Variants in AMPH observed in about 807,000 individuals in gnomAD.
The protein encoded by AMPH is amphiphysin (Stiff-Mann syndrome with breast cancer 128kD autoantigen).
Under a neutral mutation model 99.1 loss-of-function variants are expected in AMPH, and 49 were observed. The observed-to-expected ratio is 0.49, with a 90% CI of 0.39 to 0.63. The LOEUF (loss-of-function observed/expected upper bound fraction) is 0.63. Among genes scored for constraint, AMPH ranks in the 20% least tolerant of loss-of-function variants. The pLI is 0.00. For missense variants in AMPH, 759 were observed against 863.4 expected, an observed-to-expected ratio of 0.88 and a Z score of 1.52; for synonymous variants, 314 against 317.3, an observed-to-expected ratio of 0.99 and a Z score of 0.11.
rs1788703924 is a variant in AMPH, at chr7:38,491,087, G to A, written c.359C>T (p.Thr120Ile). The change falls in exon 5 of 21, where the codon ACA (threonine) becomes ATA (isoleucine). Residue 120 changes from threonine to isoleucine, a missense_variant. Transcript: ENST00000356264. ...HQKLVDGSLL[T>I]LDTYLGQFPD... ...AAATTGCCCCAGGTAGGTATCCAGT[G>A]TTAGCAAGGACCCATCCACGAGTTT... 1 of 1,612,938 alleles carries A rather than the reference G, an allele frequency of 6.2e-7. No homozygotes were observed. Among genetic ancestry groups the A allele is most frequent in the East Asian group, 2.2e-5 (1 of 44,826 alleles).
chr7:38,532,711 T>A (rs546563519), intron 2 of AMPH, among the ~76,000 whole-genome samples: 1 of 144,418 alleles, frequency 6.9e-6, no homozygotes, highest in Non-Finnish European at 1.5e-5. Context: ...CAAAAAACAA[T>A]CCTCACCTGG....
intron 7 of AMPH, among the ~76,000 whole-genome samples, chr7:38,470,522 T>C (rs547890089): frequency 4.3e-4 from 65 of 152,292 alleles, no homozygotes; most frequent in African/African-American, 1.4e-3. Context: ...CCCTCTGTCA[T>C]GGCTCCTTCT....
chr7:38,425,048 G>GT (rs1189435390), intron 15 of AMPH, among the ~76,000 whole-genome samples: 4 of 152,202 alleles, frequency 2.6e-5, no homozygotes, highest in African/African-American at 9.7e-5. Flanking sequence ...TAATATATAT[G>GT]TAGGACATGT....
In AMPH at chr7:38,391,977, T is replaced by C; in HGVS notation, c.1649A>G (p.Asn550Ser). ...IPSVVIEPAS[N>S]HEEEGENEIT... ...TTCGTTTTCTCCTTCCTCTTCATGG[T>C]TGGAGGCAGGCTCTATGACCACCGA... The change falls in exon 19 of 21, where the codon AAC becomes AGC. Residue 550 changes from asparagine (N) to serine (S), a missense_variant. Physicochemically the swap from Asn to Ser is conservative, Grantham distance 46. This residue lies in a region of AMPH where 554 missense variants were observed against 575.6 expected (regional missense o/e 0.96). Transcript: ENST00000356264. 6.2e-7 allele frequency: 1 copy of C among 1,609,706 alleles called. No homozygotes were observed. Among genetic ancestry groups the C allele is most frequent in the Non-Finnish European group, 8.5e-7 (1 of 1,179,982 alleles).
At chr7:38,558,599 G>A (rs976897066) in intron 1 of AMPH, among the ~76,000 whole-genome samples, 2 of 152,198 alleles carry the variant, frequency 1.3e-5, no homozygotes, top group Non-Finnish European at 2.9e-5. Flanking sequence ...GGAGGAGGTG[G>A]TTAGTAAACA....
chr7:38,421,117 G>T (rs1157140908), intron 16 of AMPH: 2 of 455,368 alleles, frequency 4.4e-6, no homozygotes, highest in Non-Finnish European at 8.8e-6. Flanking sequence ...CTGCTTCAGA[G>T]AATACATACA....
Position 38,491,141 on chromosome 7 carries a change from C to T in AMPH, c.305G>A (p.Cys102Tyr), listed in dbSNP as rs979222143. The change falls in exon 5 of 21, where the codon TGT becomes TAT. Residue 102 changes from cysteine to tyrosine, a missense_variant. By Grantham distance (194) the Cys-to-Tyr change is radical. Coordinates refer to ENST00000356264, the MANE Select transcript of AMPH (RefSeq NM_001635.4). ...REDVKMVGEK[C>Y]DVLWEDFHQK... ...ATGGAAGTCTTCCCACAGCACATCA[C>T]ATTTCTAAAAGAAATAAAGAGACCA... The T allele has an allele frequency of 1.2e-6, 2 of 1,609,668 alleles. No individual in the cohort carries two copies. Among genetic ancestry groups the T allele is most frequent in the Non-Finnish European group, 1.7e-6 (2 of 1,176,308 alleles).
At chr7:38,441,604 A>G (rs190296339) in intron 11 of AMPH, among the ~76,000 whole-genome samples, 58 of 151,992 alleles carry the variant, frequency 3.8e-4, no homozygotes, top group African/African-American at 1.4e-3. Flanking sequence ...AGACAATGCT[A>G]AAGTTCCCAG....
intron 20 of AMPH, 125 bp from the exon 21 acceptor site, chr7:38,385,050 A>C: frequency 1.2e-6 from 1 of 822,970 alleles, no homozygotes; most frequent in Non-Finnish European, 2.0e-6. Context: ...ATTACAGGTA[A>C]AGTGCTGTGC....
chr7:38,587,792 G>A (rs948861139), intron 1 of AMPH, among the ~76,000 whole-genome samples: 19 of 151,930 alleles, frequency 1.3e-4, no homozygotes, highest in Admixed American at 6.6e-5. Context: ...TGCTGCCAAC[G>A]GTGCTCATTC....
rs1035780852 is a variant in AMPH, at chr7:38,447,432, C to T, written c.1018-11044G>A. 1.5e-4 allele frequency among the ~76,000 whole-genome samples: 23 copies of T among 152,232 alleles called. 1 individual carries two copies. The Middle Eastern group carries it at 0.01, about 68-fold the overall frequency. ...TTTTGAAGTTTTACTTTTTGCTTCT[C>T]TGTAATTTACTATTTTTTTACATTA... On this transcript the variant is annotated intron_variant, in intron 11 of 20. Coordinates refer to ENST00000356264, the MANE Select transcript of AMPH (RefSeq NM_001635.4).
intron 3 of AMPH, among the ~76,000 whole-genome samples, chr7:38,499,214 G>A (rs1789043730): frequency 6.6e-6 from 1 of 152,100 alleles, no homozygotes; most frequent in Non-Finnish European, 1.5e-5. Context: ...ACTCTGCTGT[G>A]AGCTCCTTGC....
intron 1 of AMPH, among the ~76,000 whole-genome samples, chr7:38,544,651 A>G (rs1790929277): frequency 6.6e-6 from 1 of 152,220 alleles, no homozygotes; most frequent in Non-Finnish European, 1.5e-5. Context: ...ACTGGGCCTC[A>G]CTTGATCACT....
At chr7:38,390,418 A>G (rs1055446809) in intron 19 of AMPH, among the ~76,000 whole-genome samples, 11 of 152,174 alleles carry the variant, frequency 7.2e-5, no homozygotes, top group Admixed American at 6.5e-4. Context: ...CATTTTGAAA[A>G]AGATTTCCTT....
intron 1 of AMPH, among the ~76,000 whole-genome samples, chr7:38,581,666 C>T (rs77257080): frequency 5.0e-4 from 76 of 152,216 alleles, no homozygotes; most frequent in African/African-American, 1.4e-3. Flanking sequence ...GGACAAGGGA[C>T]GGTTAAGAGG....
chr7:38,542,247 T>C (rs1790833163), intron 1 of AMPH, among the ~76,000 whole-genome samples: 1 of 152,182 alleles, frequency 6.6e-6, no homozygotes, highest in Non-Finnish European at 1.5e-5. Context: ...ATAATAATTA[T>C]ACCAAAATCC....
At chr7:38,532,860 A>G (rs1462193137) in intron 2 of AMPH, among the ~76,000 whole-genome samples, 2 of 152,214 alleles carry the variant, frequency 1.3e-5, no homozygotes, top group African/African-American at 4.8e-5. Context: ...AACAACATTA[A>G]AGTGCCATAA....
intron 11 of AMPH, among the ~76,000 whole-genome samples, chr7:38,456,421 T>C (rs1388201146): frequency 6.6e-6 from 1 of 152,132 alleles, no homozygotes; most frequent in Non-Finnish European, 1.5e-5. Context: ...AGCTATTGGA[T>C]CAATCTTGTC....
intron 16 of AMPH, among the ~76,000 whole-genome samples, chr7:38,421,619 A>G (rs1421845412): frequency 6.6e-6 from 1 of 152,250 alleles, no homozygotes; most frequent in African/African-American, 2.4e-5. Flanking sequence ...AGTTTAAAAG[A>G]AATCATTCTA....
Sources: allele counts gnomAD v4.1 joint callset (sites outside exome capture counted in the v4.1 genomes callset), GRCh38; gene constraint gnomAD v4.1.1; regional missense constraint gnomAD v4.1.1; transcripts MANE v1.5; gene names NCBI Gene and HGNC (gene_info 2026-07-23, HGNC 2026-07-21).